Variants in SEMA3A observed in about 807,000 individuals in gnomAD.
SEMA3A encodes semaphorin-3A.
A neutral mutation model predicts 97.9 loss-of-function variants in SEMA3A; 29 were observed. That is an observed-to-expected ratio of 0.30 (90% CI 0.22 to 0.40). SEMA3A has a LOEUF of 0.40. Among genes scored for constraint, SEMA3A ranks in the 10% least tolerant of loss-of-function variants. The pLI, the probability that SEMA3A is intolerant of heterozygous loss-of-function variation, is 1.00. For synonymous variants in SEMA3A, 321 were observed against 323.7 expected, an observed-to-expected ratio of 0.99 and a Z score of 0.09; for missense variants, 763 against 951.3, an observed-to-expected ratio of 0.80 and a Z score of 2.60.
At chr7:84,097,512 T>C (rs1794812611) in intron 4 of SEMA3A, among the ~76,000 whole-genome samples, 1 of 152,118 alleles carries the variant, frequency 6.6e-6, no homozygotes, top group Non-Finnish European at 1.5e-5. Flanking sequence ...GACTTGCGAA[T>C]TGATTTTAGA....
At chr7:84,467,331 G>A (rs1252529840) in intron 1 of SEMA3A, among the ~76,000 whole-genome samples, 1 of 151,808 alleles carries the variant, frequency 6.6e-6, no homozygotes, top group African/African-American at 2.4e-5. Flanking sequence ...GACCATCCTG[G>A]CTAACACAGT....
chr7:84,439,978 A>G (rs890158712), intron 1 of SEMA3A, among the ~76,000 whole-genome samples: 1 of 152,226 alleles, frequency 6.6e-6, no homozygotes, highest in African/African-American at 2.4e-5. Context: ...ACCATGTATT[A>G]GGCACTATAC....
At chr7:84,219,512 A>G (rs1173619079) in intron 3 of SEMA3A, among the ~76,000 whole-genome samples, 2 of 152,214 alleles carry the variant, frequency 1.3e-5, no homozygotes, top group Admixed American at 6.5e-5. Context: ...CCACCCCAAT[A>G]AAGTGAATAT....
intron 1 of SEMA3A, among the ~76,000 whole-genome samples, chr7:84,424,722 A>T (rs1222578916): frequency 1.0e-5 from 1 of 98,410 alleles, no homozygotes; most frequent in Non-Finnish European, 1.8e-5. Flanking sequence ...TATATAAATT[A>T]TTTATATATT....
At chr7:84,003,677 C>T (rs922049397) in intron 11 of SEMA3A, among the ~76,000 whole-genome samples, 1 of 152,104 alleles carries the variant, frequency 6.6e-6, no homozygotes, top group Non-Finnish European at 1.5e-5. Context: ...CTTCTCAATA[C>T]ATTTAAGCCA....
intron 3 of SEMA3A, among the ~76,000 whole-genome samples, chr7:84,283,167 G>C (rs1800491027): frequency 6.6e-6 from 1 of 151,994 alleles, no homozygotes; most frequent in South Asian, 2.1e-4. Context: ...GTAAGAGGAA[G>C]CTTGGCTTCC....
chr7:84,153,367 C>G (rs778809036), intron 1 of SEMA3A, among the ~76,000 whole-genome samples: 1 of 152,140 alleles, frequency 6.6e-6, no homozygotes, highest in Non-Finnish European at 1.5e-5. Flanking sequence ...TTTGAACTAT[C>G]AGTAGTTCAC....
At chr7:84,065,950 A>T (rs981635575) in intron 4 of SEMA3A, among the ~76,000 whole-genome samples, 3 of 151,584 alleles carry the variant, frequency 2.0e-5, no homozygotes, top group East Asian at 2.0e-4. Context: ...TACCAAAGCC[A>T]GGCAGAGACA....
At chr7:84,124,363 GTTGT>G (rs1421903681) in intron 3 of SEMA3A, among the ~76,000 whole-genome samples, 1 of 152,174 alleles carries the variant, frequency 6.6e-6, no homozygotes, top group Non-Finnish European at 1.5e-5. Context: ...AAGTAAGGAG[GTTGT>G]TTGTTTACTT....
At chr7:84,301,008 A>G (rs1801003708) in intron 3 of SEMA3A, among the ~76,000 whole-genome samples, 1 of 152,144 alleles carries the variant, frequency 6.6e-6, no homozygotes, top group South Asian at 2.1e-4. Flanking sequence ...GTAAAAAGAT[A>G]TCCAGAGAAA....
intron 2 of SEMA3A, among the ~76,000 whole-genome samples, chr7:84,360,574 C>T (rs1226764948): frequency 6.6e-6 from 1 of 152,066 alleles, no homozygotes; most frequent in African/African-American, 2.4e-5. Flanking sequence ...GAAGGTGTTA[C>T]ATTTAAGCAG....
chr7:84,128,488 A>C (rs551264754), intron 3 of SEMA3A, among the ~76,000 whole-genome samples: 3 of 152,310 alleles, frequency 2.0e-5, no homozygotes, highest in Admixed American at 6.5e-5. Context: ...TATGCTACAA[A>C]GTCACATTTT....
intron 1 of SEMA3A, among the ~76,000 whole-genome samples, chr7:84,374,462 A>ATG (rs905836165): frequency 5.3e-5 from 8 of 151,932 alleles, no homozygotes; most frequent in South Asian, 4.1e-4. Flanking sequence ...TTATGAATTG[A>ATG]TGTGTGTGTG....
chr7:84,239,098 A>T (rs1007623679), intron 3 of SEMA3A, among the ~76,000 whole-genome samples: 22 of 152,194 alleles, frequency 1.4e-4, no homozygotes, highest in African/African-American at 5.1e-4. Flanking sequence ...TCATAATGCT[A>T]ATATTAAAAT....
rs1269578186 is a variant in SEMA3A, at chr7:84,081,539, G to A, written c.454-20981C>T. Reference sequence around the variant, plus strand: ...ACCCGGGAGGCGGAGCTTGCAGTGAGCCAAGATCACGCCAGTGCACTGTAG... The same window carrying A: ...ACCCGGGAGGCGGAGCTTGCAGTGAACCAAGATCACGCCAGTGCACTGTAG... On this transcript the variant is annotated intron_variant, in intron 4 of 16. Coordinates refer to ENST00000265362, the MANE Select transcript of SEMA3A (RefSeq NM_006080.3). Among the ~76,000 whole-genome samples, 3 of 148,606 alleles carry A rather than the reference G, an allele frequency of 2.0e-5. No homozygotes were observed. In the East Asian group the frequency reaches 6.0e-4, roughly 30 times the overall value.
intron 4 of SEMA3A, among the ~76,000 whole-genome samples, chr7:84,074,018 C>G (rs1793848218): frequency 6.6e-6 from 1 of 152,138 alleles, no homozygotes; most frequent in African/African-American, 2.4e-5. Context: ...CTCTGAACAT[C>G]TACATTTACA....
intron 3 of SEMA3A, among the ~76,000 whole-genome samples, chr7:84,305,564 T>C (rs1382291761): frequency 2.6e-5 from 4 of 152,076 alleles, no homozygotes; most frequent in Non-Finnish European, 5.9e-5. Flanking sequence ...GAGCTCTTGA[T>C]GTTTTTATAA....
At chr7:83,988,948 C>A (rs868189720) in intron 12 of SEMA3A, among the ~76,000 whole-genome samples, 24 of 150,598 alleles carry the variant, frequency 1.6e-4, no homozygotes, top group Middle Eastern at 3.4e-3. Context: ...GGATCCGCAC[C>A]CCCCCGATAT....
intron 15 of SEMA3A, among the ~76,000 whole-genome samples, chr7:83,971,150 C>T (rs891563946): frequency 4.6e-5 from 7 of 152,246 alleles, no homozygotes; most frequent in Admixed American, 3.3e-4. Context: ...AACAGGCAGG[C>T]GTGGTGTTTC....
Sources: gnomAD v4.1 joint callset for allele counts (sites outside exome capture counted in the v4.1 genomes callset) on GRCh38, gnomAD v4.1.1 for gene constraint, MANE v1.5 for transcripts, NCBI Gene and HGNC (gene_info 2026-07-23, HGNC 2026-07-21) for gene names.